The following USP34 variants were observed in gnomAD, a reference collection of about 807,000 sequenced individuals.
The protein encoded by USP34 is ubiquitin specific peptidase 34, also known as ubiquitin carboxyl-terminal hydrolase 34.
USP34 carries 70 observed loss-of-function variants against 460.3 expected under a neutral mutation model. The observed-to-expected ratio is 0.15, with a 90% CI of 0.13 to 0.19. The LOEUF (loss-of-function observed/expected upper bound fraction) is 0.19. USP34 is among the 10% of genes least tolerant of loss of function. The pLI is 1.00. For missense variants in USP34, 3,985 were observed against 4,236.2 expected (o/e 0.94, Z 1.65); for synonymous variants, 1,647 against 1,405.3 (o/e 1.17, Z -3.85).
chr2:61,214,005 CA>C (rs1687336721), intron 68 of USP34, 54 bp downstream of exon 68: 13 of 1,596,310 alleles, frequency 8.1e-6, no homozygotes, highest in Non-Finnish European at 1.0e-5. Context: ...AGGGGAAAAA[CA>C]GGTATTTCCA....
chr2:61,345,130 G>A (rs1482435751), intron 15 of USP34, among the ~76,000 whole-genome samples: 2 of 151,880 alleles, frequency 1.3e-5, no homozygotes, highest in Non-Finnish European at 2.9e-5. Context: ...AAAATTAGCT[G>A]GGGCATGGTG....
chr2:61,205,227 A>G (rs538082672), intron 72 of USP34, among the ~76,000 whole-genome samples: 4 of 152,310 alleles, frequency 2.6e-5, no homozygotes, highest in South Asian at 2.1e-4. Context: ...TAAGGTTCAA[A>G]GTTCCTTTGC....
chr2:61,439,695 T>TAA, intron 1 of USP34, among the ~76,000 whole-genome samples: 1 of 152,180 alleles, frequency 6.6e-6, no homozygotes, highest in Non-Finnish European at 1.5e-5. Flanking sequence ...TTGGCATGTT[T>TAA]CTAAGAGAAC....
chr2:61,389,710 C>T (rs1294195282), intron 5 of USP34, among the ~76,000 whole-genome samples: 1 of 152,030 alleles, frequency 6.6e-6, no homozygotes, highest in Non-Finnish European at 1.5e-5. Context: ...ATTGCATATG[C>T]TATTAATCCT....
At chr2:61,400,060 T>C (rs1367862335) in intron 3 of USP34, among the ~76,000 whole-genome samples, 1 of 128,880 alleles carries the variant, frequency 7.8e-6, no homozygotes, top group African/African-American at 2.9e-5. Context: ...TTTGGTTATT[T>C]TAAAAGAGAA....
intron 3 of USP34, among the ~76,000 whole-genome samples, chr2:61,403,603 C>T (rs1693782584): frequency 6.6e-6 from 1 of 152,036 alleles, no homozygotes; most frequent in South Asian, 2.1e-4. Flanking sequence ...ACTGGAAGAT[C>T]ACAGGCTAAG....
chr2:61,316,862 G>A (rs1332677310), intron 23 of USP34, among the ~76,000 whole-genome samples: 1 of 151,808 alleles, frequency 6.6e-6, no homozygotes, highest in Non-Finnish European at 1.5e-5. Flanking sequence ...CTCTGGCCTG[G>A]GTGACAGAGC....
At chr2:61,389,601 A>G (rs1405263073) in intron 5 of USP34, among the ~76,000 whole-genome samples, 3 of 152,224 alleles carry the variant, frequency 2.0e-5, no homozygotes, top group African/African-American at 4.8e-5. Flanking sequence ...ACAAAATTAC[A>G]TACTATGCAA....
chr2:61,302,519 G>A (rs1690261029), intron 27 of USP34, among the ~76,000 whole-genome samples: 1 of 151,914 alleles, frequency 6.6e-6, no homozygotes, highest in Admixed American at 6.6e-5. Flanking sequence ...CCTCAATCTT[G>A]GCCCTCAAAA....
Position 61,400,777 on chromosome 2 carries a change from G to C in USP34, c.552+4931C>G, listed in dbSNP as rs185677266. ...GAAGGTGAAGGGTTACTTGAGTCCAGGAGTTCAAGGCTACAATGAATCATA... is the reference window on the plus strand; with the variant it reads ...GAAGGTGAAGGGTTACTTGAGTCCACGAGTTCAAGGCTACAATGAATCATA... On this transcript the variant is annotated intron_variant, in intron 3 of 79. Transcript: ENST00000398571. Among the ~76,000 whole-genome samples, 534 of 152,190 alleles carry C rather than the reference G, an allele frequency of 3.5e-3. 1 individual carries two copies. The highest frequency in any genetic ancestry group is 0.012 in the African/African-American group (509 of 41,534).
intron 3 of USP34, among the ~76,000 whole-genome samples, chr2:61,399,739 G>A (rs899962837): frequency 4.6e-5 from 7 of 151,752 alleles, no homozygotes; most frequent in Non-Finnish European, 7.4e-5. Flanking sequence ...CAGGCGTGGT[G>A]GCGGGCGCCT....
At chr2:61,436,236 A>T (rs1694808922) in intron 1 of USP34, among the ~76,000 whole-genome samples, 2 of 152,120 alleles carry the variant, frequency 1.3e-5, no homozygotes, top group South Asian at 4.1e-4. Flanking sequence ...AATTTGAGGC[A>T]AAAGAATCGC....
At chr2:61,247,846 G>A (rs1688458365) in intron 49 of USP34, among the ~76,000 whole-genome samples, 1 of 152,028 alleles carries the variant, frequency 6.6e-6, no homozygotes, top group Admixed American at 6.6e-5. Flanking sequence ...CCACACTGGA[G>A]TGCAGTAGTG....
At chr2:61,239,300 T>TCTCACACACACACA (rs1213558114) in intron 53 of USP34, among the ~76,000 whole-genome samples, 88 of 132,852 alleles carry the variant, frequency 6.6e-4, no homozygotes, top group Middle Eastern at 3.8e-3. Context: ...GAGGGCCCTG[T>TCTCACACACACACA]CACACACACA....
At chr2:61,443,503 A>AAC (rs1307692098) in intron 1 of USP34, among the ~76,000 whole-genome samples, 2 of 151,956 alleles carry the variant, frequency 1.3e-5, no homozygotes, top group African/African-American at 4.8e-5. Flanking sequence ...TAAAAAAAAA[A>AAC]AAACTATCAA....
intron 12 of USP34, among the ~76,000 whole-genome samples, chr2:61,350,036 A>C (rs528776515): frequency 9.9e-5 from 15 of 152,182 alleles, no homozygotes; most frequent in Non-Finnish European, 2.2e-4. Context: ...AGATAACCAA[A>C]GCTGAGAAAA....
chr2:61,209,220 T>A (rs1687205449), intron 69 of USP34, among the ~76,000 whole-genome samples: 2 of 152,224 alleles, frequency 1.3e-5, no homozygotes, highest in Non-Finnish European at 2.9e-5. Context: ...GCAGAAGATA[T>A]GGGAATATTT....
intron 53 of USP34, among the ~76,000 whole-genome samples, chr2:61,239,300 T>TCACTCACACACACACACACACA: frequency 1.5e-5 from 2 of 132,856 alleles, no homozygotes; most frequent in East Asian, 4.6e-4. Context: ...GAGGGCCCTG[T>TCACTCACACACACACACACACA]CACACACACA....
chr2:61,450,141 G>A (rs1296202344), intron 1 of USP34, among the ~76,000 whole-genome samples: 1 of 151,878 alleles, frequency 6.6e-6, no homozygotes, highest in African/African-American at 2.4e-5. Flanking sequence ...CTACAACATG[G>A]ACAAAACTGG....
Sources: gnomAD v4.1 joint callset for allele counts (sites outside exome capture counted in the v4.1 genomes callset) on GRCh38, gnomAD v4.1.1 for gene constraint, MANE v1.5 for transcripts, NCBI Gene and HGNC (gene_info 2026-07-23, HGNC 2026-07-21) for gene names.